The following USP34 variants were observed in gnomAD, a reference collection of about 807,000 sequenced individuals.
USP34 encodes the protein ubiquitin specific peptidase 34, also known as ubiquitin carboxyl-terminal hydrolase 34.
Under a neutral mutation model 460.3 loss-of-function variants are expected in USP34, and 70 were observed. The ratio of observed to expected loss-of-function variants is 0.15; its 90% CI spans 0.13 to 0.19. The LOEUF (loss-of-function observed/expected upper bound fraction) is 0.19. USP34 is among the 10% of genes least tolerant of loss of function. The pLI is 1.00. For synonymous variants in USP34, 1,647 were observed against 1,405.3 expected, an observed-to-expected ratio of 1.17 and a Z score of -3.85; for missense variants, 3,985 against 4,236.2, an observed-to-expected ratio of 0.94 and a Z score of 1.65.
chr2:61,258,549 G>A (rs150640114), intron 44 of USP34, among the ~76,000 whole-genome samples: 4 of 152,178 alleles, frequency 2.6e-5, no homozygotes, highest in Non-Finnish European at 5.9e-5. Context: ...AGTGACACAG[G>A]TAGGAAACAA....
intron 1 of USP34, among the ~76,000 whole-genome samples, chr2:61,425,572 C>T (rs761957632): frequency 2.6e-5 from 4 of 152,062 alleles, no homozygotes; most frequent in East Asian, 3.9e-4. Flanking sequence ...AGCCCTAAAG[C>T]GGAGGGCAAC....
chr2:61,242,082 A>G (rs2103859386), intron 51 of USP34, among the ~76,000 whole-genome samples: 1 of 152,270 alleles, frequency 6.6e-6, no homozygotes, highest in East Asian at 1.9e-4. Flanking sequence ...TTTTACTATA[A>G]CAAAAGAAAA....
intron 15 of USP34, among the ~76,000 whole-genome samples, chr2:61,345,719 T>G (rs1691747156): frequency 6.6e-6 from 1 of 152,146 alleles, no homozygotes; most frequent in South Asian, 2.1e-4. Flanking sequence ...ACTGCAGTCT[T>G]GATCTCCTGG....
At chr2:61,313,441 T>C (rs562071152) in intron 25 of USP34, among the ~76,000 whole-genome samples, 4 of 152,236 alleles carry the variant, frequency 2.6e-5, no homozygotes, top group African/African-American at 7.2e-5. Context: ...TTGTTGAAGA[T>C]CCCACAGCAT....
intron 75 of USP34, among the ~76,000 whole-genome samples, chr2:61,199,487 C>A (rs925700042): frequency 2.0e-5 from 3 of 152,198 alleles, no homozygotes; most frequent in Non-Finnish European, 4.4e-5. Flanking sequence ...AACTCCTAAC[C>A]TCAGGTGATC....
intron 10 of USP34, among the ~76,000 whole-genome samples, chr2:61,365,479 A>T (rs1185859517): frequency 6.6e-6 from 1 of 152,198 alleles, no homozygotes; most frequent in Non-Finnish European, 1.5e-5. Flanking sequence ...ACATTCACTC[A>T]AACTCTTCTT....
At chr2:61,446,641 C>T (rs141312236) in intron 1 of USP34, among the ~76,000 whole-genome samples, 2,195 of 151,876 alleles carry the variant, frequency 0.014, 29 homozygotes, top group Non-Finnish European at 0.024. Context: ...ACTAAAAATA[C>T]AAAAATTAGC....
chr2:61,243,505 C>T (rs564672273), intron 51 of USP34, among the ~76,000 whole-genome samples: 22 of 151,330 alleles, frequency 1.5e-4, no homozygotes, highest in Admixed American at 4.6e-4. Flanking sequence ...AAAAAGTGGA[C>T]CTGCAATTTG....
At chr2:61,318,988 A>C (rs952331339) in intron 22 of USP34, among the ~76,000 whole-genome samples, 185 bp downstream of exon 22, 3 of 152,210 alleles carry the variant, frequency 2.0e-5, no homozygotes, top group African/African-American at 7.2e-5. Context: ...ATTTAGAGGT[A>C]AACAGTGTAA....
intron 58 of USP34, among the ~76,000 whole-genome samples, chr2:61,230,558 C>A (rs1225067322): frequency 6.6e-6 from 1 of 151,806 alleles, no homozygotes; most frequent in Admixed American, 6.6e-5. Flanking sequence ...AAACAAAAAA[C>A]ACCAGTTTAC....
chr2:61,335,358 C>T (rs962072479), intron 18 of USP34, among the ~76,000 whole-genome samples: 1 of 152,200 alleles, frequency 6.6e-6, no homozygotes. Flanking sequence ...GTCAAACTTA[C>T]ATTTCACAAA....
intron 42 of USP34, 100 bp downstream of exon 42, chr2:61,265,884 A>AC (rs1318477785): frequency 1.8e-6 from 2 of 1,119,438 alleles, no homozygotes; most frequent in Admixed American, 5.6e-5. Flanking sequence ...TTATAATGTT[A>AC]AAGTGTGTGA....
chr2:61,291,418 C>G (rs1689848074), intron 33 of USP34, among the ~76,000 whole-genome samples: 1 of 152,244 alleles, frequency 6.6e-6, no homozygotes, highest in Admixed American at 6.5e-5. Context: ...CCACAGGACC[C>G]AGAAACTGCA....
At chr2:61,353,807 G>C (rs1692026074) in intron 10 of USP34, among the ~76,000 whole-genome samples, 1 of 152,004 alleles carries the variant, frequency 6.6e-6, no homozygotes, top group Non-Finnish European at 1.5e-5. Flanking sequence ...AACAAAATGA[G>C]AATATCAGCA....
chr2:61,275,902 A>G (rs985727992), intron 41 of USP34, among the ~76,000 whole-genome samples: 1 of 152,210 alleles, frequency 6.6e-6, no homozygotes, highest in Non-Finnish European at 1.5e-5. Flanking sequence ...ATAAATCAAT[A>G]AACAGAAGAG....
At chr2:61,278,332 T>A (rs780943310) in intron 40 of USP34, 47 bp from the exon 41 acceptor site, 6 of 1,609,334 alleles carry the variant, frequency 3.7e-6, no homozygotes, top group Non-Finnish European at 4.2e-6. Flanking sequence ...GTTCACATAA[T>A]TATGTCTTTT....
At chr2:61,364,270 G>A (rs1692362554) in intron 10 of USP34, among the ~76,000 whole-genome samples, 1 of 152,220 alleles carries the variant, frequency 6.6e-6, no homozygotes, top group Non-Finnish European at 1.5e-5. Flanking sequence ...TCTGAGGCCA[G>A]AGGGTCACTT....
intron 49 of USP34, among the ~76,000 whole-genome samples, chr2:61,247,000 C>G (rs1028649606): frequency 8.6e-5 from 13 of 151,688 alleles, no homozygotes; most frequent in Non-Finnish European, 1.8e-4. Context: ...AAAAGGAAAA[C>G]GAACCAATGT....
chr2:61,338,732 C>A (rs558702388), intron 18 of USP34, among the ~76,000 whole-genome samples: 1 of 151,906 alleles, frequency 6.6e-6, no homozygotes, highest in Admixed American at 6.6e-5. Flanking sequence ...TCAACTGAGT[C>A]CCAATGAGAA....
Sources: gnomAD v4.1 joint callset for allele counts (sites outside exome capture counted in the v4.1 genomes callset) on GRCh38, gnomAD v4.1.1 for gene constraint, MANE v1.5 for transcripts, NCBI Gene and HGNC (gene_info 2026-07-23, HGNC 2026-07-21) for gene names.